PTPRD: variants seen among roughly 807,000 people sequenced by gnomAD.
PTPRD encodes receptor-type tyrosine-protein phosphatase delta.
A neutral mutation model predicts 214.5 loss-of-function variants in PTPRD; 34 were observed. That is an observed-to-expected ratio of 0.16 (90% confidence interval 0.12 to 0.21). The LOEUF is 0.21. PTPRD is among the 10% of genes least tolerant of loss of function. The pLI is 1.00. For synonymous variants in PTPRD, 1,128 were observed against 845.7 expected, an observed-to-expected ratio of 1.33 and a Z score of -5.79; for missense variants, 2,545 against 2,398.7, an observed-to-expected ratio of 1.06 and a Z score of -1.27.
rs149178439 is a variant in PTPRD, at chr9:8,870,330, T to C, written c.-103-136384A>G. On this transcript the variant is annotated intron_variant, in intron 11 of 45. Transcript: ENST00000381196. ...GATTTTAAGGGAGGAGACAATGTTG[T>C]TTTAACCTTGTAATTACTCCTAATC... 1.1e-4 allele frequency among the ~76,000 whole-genome samples: 17 copies of C among 152,182 alleles called. No homozygotes were observed. The East Asian group carries it at 3.3e-3, about 29-fold the overall frequency.
intron 11 of PTPRD, among the ~76,000 whole-genome samples, chr9:8,873,877 G>A (rs988920474): frequency 1.3e-5 from 2 of 152,060 alleles, no homozygotes; most frequent in African/African-American, 4.8e-5. Flanking sequence ...TAACTGACAG[G>A]CTGTCCCATG....
At chr9:9,681,563 C>G (rs1002205870) in intron 7 of PTPRD, among the ~76,000 whole-genome samples, 1 of 151,668 alleles carries the variant, frequency 6.6e-6, no homozygotes, top group South Asian at 2.1e-4. Flanking sequence ...GGCCCCATCC[C>G]CTCCCCATGT....
At chr9:8,954,523 G>C (rs1028815013) in intron 11 of PTPRD, among the ~76,000 whole-genome samples, 3 of 129,212 alleles carry the variant, frequency 2.3e-5, no homozygotes, top group African/African-American at 7.9e-5. Context: ...AAAGAAGAAA[G>C]TGGTAAACAT....
chr9:8,920,998 G>A (rs2098823691), intron 11 of PTPRD, among the ~76,000 whole-genome samples: 1 of 152,066 alleles, frequency 6.6e-6, no homozygotes, highest in African/African-American at 2.4e-5. Context: ...ATTTTTAGTC[G>A]AGACAGGGTA....
intron 35 of PTPRD, among the ~76,000 whole-genome samples, chr9:8,418,418 T>C (rs1046369811): frequency 2.6e-5 from 4 of 152,144 alleles, no homozygotes; most frequent in Non-Finnish European, 5.9e-5. Context: ...TAAAGTTGTT[T>C]GAATTCATTA....
At chr9:8,992,675 T>C (rs1386963666) in intron 11 of PTPRD, among the ~76,000 whole-genome samples, 1 of 152,154 alleles carries the variant, frequency 6.6e-6, no homozygotes, top group East Asian at 1.9e-4. Context: ...AATCTAGTGA[T>C]CTCAAGAGCC....
chr9:8,811,900 T>A (rs1055283759), intron 11 of PTPRD, among the ~76,000 whole-genome samples: 1 of 152,170 alleles, frequency 6.6e-6, no homozygotes, highest in African/African-American at 2.4e-5. Flanking sequence ...CTGAAAGACA[T>A]CCACTTGGGT....
At chr9:10,434,248 C>T (rs113892359) in intron 2 of PTPRD, among the ~76,000 whole-genome samples, 5 of 151,816 alleles carry the variant, frequency 3.3e-5, no homozygotes, top group African/African-American at 1.2e-4. Context: ...TATAAAGGTA[C>T]CAAATAAGAC....
intron 4 of PTPRD, among the ~76,000 whole-genome samples, chr9:9,981,623 G>T (rs2095547303): frequency 6.6e-6 from 1 of 152,128 alleles, no homozygotes; most frequent in East Asian, 1.9e-4. Flanking sequence ...GCCTCCCAAA[G>T]TGCTGGGATT....
intron 39 of PTPRD, among the ~76,000 whole-genome samples, chr9:8,352,281 G>C (rs771700498): frequency 6.6e-6 from 1 of 152,148 alleles, no homozygotes; most frequent in African/African-American, 2.4e-5. Context: ...TTTACAGATG[G>C]ATAGAACAGG....
intron 3 of PTPRD, among the ~76,000 whole-genome samples, chr9:10,194,343 T>TAGAG (rs2099388314): frequency 4.9e-5 from 2 of 41,034 alleles, no homozygotes; most frequent in African/African-American, 1.7e-4. Flanking sequence ...TATATATATA[T>TAGAG]ATAGAGAGAG....
intron 2 of PTPRD, among the ~76,000 whole-genome samples, chr9:10,374,520 G>C (rs1358306972): frequency 1.3e-5 from 2 of 151,896 alleles, no homozygotes; most frequent in Non-Finnish European, 2.9e-5. Flanking sequence ...TCTCTTTCCT[G>C]ATCATAGGAG....
rs1364780317 is a variant in PTPRD at position 8,683,647 on chromosome 9, T to A, written c.65-46803A>T. ...TGCACATATCTCACGCCATAAGGTC[T>A]CCTTCCACTAGCAGTGGGGAGTCTA... On this transcript the variant is annotated intron_variant, in intron 12 of 45. Coordinates refer to ENST00000381196, the MANE Select transcript of PTPRD (RefSeq NM_002839.4). Among the ~76,000 whole-genome samples, 3 of 152,214 alleles carry A rather than the reference T, an allele frequency of 2.0e-5. No homozygotes were observed. The East Asian group carries it at 5.8e-4, about 29-fold the overall frequency.
At chr9:8,656,035 C>T (rs961703173) in intron 12 of PTPRD, among the ~76,000 whole-genome samples, 6 of 152,142 alleles carry the variant, frequency 3.9e-5, no homozygotes, top group African/African-American at 1.4e-4. Context: ...ATAGCATCAA[C>T]TCTCACTATT....
chr9:9,334,846 T>G (rs60425279), intron 9 of PTPRD, among the ~76,000 whole-genome samples: 4,596 of 151,908 alleles, frequency 0.03, 235 homozygotes, highest in African/African-American at 0.11. Flanking sequence ...TTAAGACAAG[T>G]AAATAGTAGT....
intron 2 of PTPRD, among the ~76,000 whole-genome samples, chr9:10,361,565 C>T (rs1045924639): frequency 4.6e-5 from 7 of 151,880 alleles, no homozygotes; most frequent in Non-Finnish European, 8.8e-5. Context: ...ACTATACACC[C>T]GAAATAAGCA....
intron 3 of PTPRD, among the ~76,000 whole-genome samples, chr9:10,253,196 C>T (rs2092943839): frequency 6.6e-6 from 1 of 152,082 alleles, no homozygotes; most frequent in Non-Finnish European, 1.5e-5. Flanking sequence ...GGGGGTGACC[C>T]ATCACTACTC....
chr9:9,398,668 T>C (rs2068868271), intron 8 of PTPRD, among the ~76,000 whole-genome samples: 1 of 152,028 alleles, frequency 6.6e-6, no homozygotes. Context: ...AAAAATTCTT[T>C]AAGACTTTTT....
Position 9,434,052 on chromosome 9 carries a change from G to A in PTPRD, c.-236-36570C>T, listed in dbSNP as rs1244020818. The stretch of plus-strand genomic sequence containing the variant: ...AAGCCCCAGAATATCGCTTTACAGA[G>A]GACATTCTGTCAGTCTGCGGTTTTG... On this transcript the variant is annotated intron_variant, in intron 8 of 45. Transcript: ENST00000381196. Among the ~76,000 whole-genome samples, 5 of 152,212 alleles carry A rather than the reference G, an allele frequency of 3.3e-5. No individual in the cohort carries two copies. The South Asian group carries it at 8.3e-4, about 25-fold the overall frequency.
Sources: gnomAD v4.1 joint callset for allele counts (sites outside exome capture counted in the v4.1 genomes callset) on GRCh38, gnomAD v4.1.1 for gene constraint, MANE v1.5 for transcripts, NCBI Gene and HGNC (gene_info 2026-07-23, HGNC 2026-07-21) for gene names.